Variants in C2orf92 observed in about 807,000 individuals in gnomAD.
C2orf92 encodes chromosome 2 open reading frame 92, also known as uncharacterized protein C2orf92.
upstream of C2orf92, among the ~76,000 whole-genome samples, chr2:97,667,606 G>A (rs949087316): frequency 9.2e-5 from 14 of 151,706 alleles, no homozygotes; most frequent in African/African-American, 1.7e-4. Flanking sequence ...CTAATTTTTT[G>A]TATTTTTAGT....
intron 5 of C2orf92, among the ~76,000 whole-genome samples, chr2:97,695,349 A>G (rs1676274369): frequency 6.6e-6 from 1 of 152,198 alleles, no homozygotes; most frequent in Admixed American, 6.5e-5. Flanking sequence ...GGTGTTGGAT[A>G]AGGCTCTAAC....
intron 3 of C2orf92, among the ~76,000 whole-genome samples, chr2:97,686,509 T>TC (rs1675966669): frequency 1.3e-5 from 2 of 151,782 alleles, no homozygotes; most frequent in Non-Finnish European, 2.9e-5. Flanking sequence ...AACCCCTGCC[T>TC]CCCCGGTTCA....
intron 3 of C2orf92, among the ~76,000 whole-genome samples, chr2:97,681,354 A>G (rs1675767192): frequency 6.6e-6 from 1 of 152,204 alleles, no homozygotes; most frequent in South Asian, 2.1e-4. Context: ...TTCAGATCAC[A>G]ATGGAATGAA....
upstream of C2orf92, chr2:97,665,729 CTCTCTCTCTATATATA>C (rs1413772683): frequency 4.7e-3 from 130 of 27,588 alleles, no homozygotes; most frequent in African/African-American, 0.012. Context: ...CTCTCTCTCT[CTCTCTCTCTATATATA>C]TATATATATA....
intron 7 of C2orf92, among the ~76,000 whole-genome samples, chr2:97,701,866 G>A (rs903275305): frequency 2.0e-5 from 3 of 152,158 alleles, no homozygotes; most frequent in African/African-American, 7.2e-5. Flanking sequence ...TTCAGTGGTG[G>A]TCATTTTGAC....
intron 3 of C2orf92, chr2:97,677,407 T>C (rs1224903185): frequency 6.6e-6 from 1 of 152,234 alleles, no homozygotes; most frequent in Non-Finnish European, 1.5e-5. Flanking sequence ...GTTTTTCTCT[T>C]TTTGGAGATA....
At chr2:97,697,694 T>C (rs1327101050) in intron 5 of C2orf92, among the ~76,000 whole-genome samples, 1 of 152,108 alleles carries the variant, frequency 6.6e-6, no homozygotes, top group Non-Finnish European at 1.5e-5. Flanking sequence ...CTTAATCATA[T>C]TGTGATAATT....
At chr2:97,698,809 C>T (rs1480150394) in intron 5 of C2orf92, among the ~76,000 whole-genome samples, 1 of 152,196 alleles carries the variant, frequency 6.6e-6, no homozygotes, top group Non-Finnish European at 1.5e-5. Flanking sequence ...GCTGCCTCAG[C>T]TATGGGTGGG....
intron 6 of C2orf92, among the ~76,000 whole-genome samples, chr2:97,699,838 G>T (rs1457010784): frequency 6.6e-6 from 1 of 152,200 alleles, no homozygotes; most frequent in Non-Finnish European, 1.5e-5. Flanking sequence ...CTAATGCTTA[G>T]AAATTAAATG....
At chr2:97,671,730 G>T in intron 1 of C2orf92, 1 of 366,864 alleles carries the variant, frequency 2.7e-6, no homozygotes, top group East Asian at 3.9e-5. Context: ...AGGGCCATGT[G>T]GGACTGCGGC....
In C2orf92 at chr2:97,703,015, G is replaced by T. The variant is rs2290126; in HGVS notation, c.*214G>T. On this transcript the variant is annotated 3_prime_UTR_variant, in exon 8 of 8. Transcript: ENST00000627399. The stretch of plus-strand genomic sequence containing the variant: ...ACCGATGGCTGGCGTCGGTGAACCC[G>T]ACAGACTATGGATTTATCATTTAAT... The T allele has an allele frequency of 1.8e-5, 7 of 380,414 alleles. No individual in the cohort carries two copies. The highest frequency in any genetic ancestry group is 1.0e-4 in the African/African-American group (5 of 48,286). 23.6% of individuals were successfully genotyped at this position (380,414 alleles called of 1,614,324 possible). A position where few individuals can be genotyped will look rare whatever the true frequency, so the allele number is the denominator to read the frequency against.
In C2orf92 at chr2:97,695,379, T is replaced by A. The variant is rs372445804; in HGVS notation, c.404-3647T>A. On this transcript the variant is annotated intron_variant, in intron 5 of 7. Coordinates refer to ENST00000627399, the MANE Select transcript of C2orf92 (RefSeq NM_001351368.2). ...TCTAACTTTATTCTTTCGCATATGATATCCTGTTTTCCTAGTACCATTTGT... is the reference window on the plus strand; with the variant it reads ...TCTAACTTTATTCTTTCGCATATGAAATCCTGTTTTCCTAGTACCATTTGT... Among the ~76,000 whole-genome samples, 14 of 152,364 alleles carry A rather than the reference T, an allele frequency of 9.2e-5. No individual in the cohort carries two copies. In the East Asian group the frequency reaches 2.1e-3, roughly 23 times the overall value.
At chr2:97,692,945 G>C in intron 5 of C2orf92, among the ~76,000 whole-genome samples, 1 of 152,144 alleles carries the variant, frequency 6.6e-6, no homozygotes, top group Non-Finnish European at 1.5e-5. Context: ...ACACATACAT[G>C]TAAATATGTA....
intron 3 of C2orf92, among the ~76,000 whole-genome samples, chr2:97,678,341 A>G (rs766698282): frequency 3.9e-5 from 6 of 152,156 alleles, no homozygotes; most frequent in South Asian, 2.1e-4. Context: ...AGCATACTAA[A>G]ATATACATTA....
intron 1 of C2orf92, among the ~76,000 whole-genome samples, chr2:97,672,854 A>C (rs1675457737): frequency 6.6e-6 from 1 of 151,920 alleles, no homozygotes; most frequent in South Asian, 2.1e-4. Context: ...GCGAGTGGAA[A>C]CCACCGAGGA....
In C2orf92 at chr2:97,701,176, C is replaced by T; in HGVS notation, c.537C>T (p.Pro179=). 1 of 399,078 alleles carries T rather than the reference C, an allele frequency of 2.5e-6. No homozygotes were observed. Among genetic ancestry groups the T allele is most frequent in the East Asian group, 3.6e-5 (1 of 28,078 alleles). 24.7% of individuals were successfully genotyped at this position (399,078 alleles called of 1,614,324 possible). ...TAGATGCTCACTTTAGGACTATGCCCTGCGGGCAGCTTCTGCACTTCCTGC... is the reference window on the plus strand; with the variant it reads ...TAGATGCTCACTTTAGGACTATGCCTTGCGGGCAGCTTCTGCACTTCCTGC... ...AKPDAHFRTM[P]CGQLLHFLQR... Residue 179 remains proline, a synonymous_variant, in exon 7 of 8, where the codon CCC becomes CCT. Transcript: ENST00000627399.
intron 7 of C2orf92, among the ~76,000 whole-genome samples, chr2:97,701,768 G>A (rs915878152): frequency 6.6e-6 from 1 of 152,206 alleles, no homozygotes; most frequent in Non-Finnish European, 1.5e-5. Context: ...AGCCTTCCCC[G>A]AGCTTCCCAC....
In C2orf92 at chr2:97,698,708, T is replaced by C. The variant is rs530731530; in HGVS notation, c.404-318T>C. Among the ~76,000 whole-genome samples, 100 of 152,320 alleles carry C rather than the reference T, an allele frequency of 6.6e-4. 1 individual carries two copies. Among genetic ancestry groups the C allele is most frequent in the African/African-American group, 2.2e-3 (93 of 41,564 alleles). ...CATTCCCAGGCCTACCCCAGACCTA[T>C]GGAATCAGAAACTCTGGGGTGGGGC... On this transcript the variant is annotated intron_variant, in intron 5 of 7. Coordinates refer to ENST00000627399, the MANE Select transcript of C2orf92 (RefSeq NM_001351368.2).
chr2:97,690,167 A>C (rs1676081008), intron 4 of C2orf92, 89 bp from the exon 5 acceptor site: 2 of 389,022 alleles, frequency 5.1e-6, no homozygotes, highest in Non-Finnish European at 9.1e-6. Flanking sequence ...CAAAAAATGG[A>C]ATACAAAATA....
Sources: allele counts gnomAD v4.1 joint callset (sites outside exome capture counted in the v4.1 genomes callset), GRCh38; gene constraint gnomAD v4.1.1; transcripts MANE v1.5; gene names NCBI Gene and HGNC (gene_info 2026-07-23, HGNC 2026-07-21).